HELLS: variants seen among roughly 807,000 people sequenced by gnomAD.
The protein encoded by HELLS is helicase, lymphoid specific, also known as lymphoid-specific helicase.
Under a neutral mutation model 120.0 loss-of-function variants are expected in HELLS, and 32 were observed. The observed-to-expected ratio is 0.27, with a 90% CI of 0.20 to 0.36. HELLS has a LOEUF of 0.36. HELLS is among the 10% of genes least tolerant of loss of function. The pLI is 1.00. For missense variants in HELLS, 650 were observed against 993.4 expected (o/e 0.65, Z 4.65); for synonymous variants, 341 against 323.4 (o/e 1.05, Z -0.58).
At chr10:94,576,234 C>T (rs112556933) in intron 9 of HELLS, among the ~76,000 whole-genome samples, 2 of 152,168 alleles carry the variant, frequency 1.3e-5, no homozygotes, top group Non-Finnish European at 2.9e-5. Flanking sequence ...CTATCTCACA[C>T]GCCTGAGTAG....
intron 2 of HELLS, among the ~76,000 whole-genome samples, chr10:94,547,236 G>T (rs1435697062): frequency 6.6e-6 from 1 of 152,138 alleles, no homozygotes; most frequent in African/African-American, 2.4e-5. Flanking sequence ...TGCCTAGTAC[G>T]TGGTTTTCTT....
At chr10:94,587,740 T>G (rs1331136307) in intron 12 of HELLS, among the ~76,000 whole-genome samples, 6 of 152,224 alleles carry the variant, frequency 3.9e-5, no homozygotes, top group African/African-American at 7.2e-5. Context: ...AGTTATACTC[T>G]TCTTTATATT....
chr10:94,582,284 A>T (rs983561593), intron 11 of HELLS, among the ~76,000 whole-genome samples: 1 of 151,722 alleles, frequency 6.6e-6, no homozygotes, highest in African/African-American at 2.4e-5. Context: ...TTATTGAAAG[A>T]CAAGAATTCC....
intron 6 of HELLS, among the ~76,000 whole-genome samples, chr10:94,567,222 AT>A (rs1218713166): frequency 1.3e-5 from 2 of 152,096 alleles, no homozygotes; most frequent in South Asian, 4.2e-4. Flanking sequence ...TCAATTATAG[AT>A]ACATTGTGTT....
intron 2 of HELLS, among the ~76,000 whole-genome samples, chr10:94,553,913 A>C (rs1452680714): frequency 6.6e-6 from 1 of 152,188 alleles, no homozygotes; most frequent in African/African-American, 2.4e-5. Context: ...CAATATTTGA[A>C]ATTATAATAT....
intron 9 of HELLS, among the ~76,000 whole-genome samples, chr10:94,575,771 TTGTGTGTGTGTG>T (rs71031588): frequency 0.089 from 10,920 of 122,340 alleles, 646 homozygotes; most frequent in East Asian, 0.32. Flanking sequence ...GGGGTTGTGT[TTGTGTGTGTGTG>T]TGTGTGTGTG....
intron 12 of HELLS, among the ~76,000 whole-genome samples, chr10:94,583,515 T>A (rs1589746685): frequency 6.6e-6 from 1 of 152,144 alleles, no homozygotes; most frequent in East Asian, 1.9e-4. Context: ...CAGTTGTGGT[T>A]TAGCAATTTT....
At chr10:94,599,304 C>T (rs1845912100) in intron 21 of HELLS, among the ~76,000 whole-genome samples, 1 of 152,120 alleles carries the variant, frequency 6.6e-6, no homozygotes, top group Admixed American at 6.6e-5. Context: ...ACTAGATGAT[C>T]ACCTAATTAG....
In HELLS at chr10:94,585,991, CTCT is replaced by C. The variant is rs573142596; in HGVS notation, c.1327-2232_1327-2230del. Among the ~76,000 whole-genome samples, 385 of 152,238 alleles carry C rather than the reference CTCT, an allele frequency of 2.5e-3. 1 individual carries two copies. The highest frequency in any genetic ancestry group is 2.9e-3 in the Non-Finnish European group (199 of 68,024). The stretch of plus-strand genomic sequence containing the variant: ...CATGTGTTTCAGCGGTATAGTGTGC[CTCT>C]TCTTCCACATATTTGCCATTTCAGT... On this transcript the variant is annotated intron_variant, in intron 12 of 21. Coordinates refer to ENST00000348459, the MANE Select transcript of HELLS (RefSeq NM_018063.5).
intron 6 of HELLS, chr10:94,570,621 G>T (rs1158214633): frequency 6.6e-6 from 1 of 151,490 alleles, no homozygotes; most frequent in Non-Finnish European, 1.5e-5. Context: ...ATGAAGCCTG[G>T]TGACAACTTT....
chr10:94,604,428 A>G (rs1346549764), downstream of HELLS, among the ~76,000 whole-genome samples: 1 of 152,030 alleles, frequency 6.6e-6, no homozygotes, highest in Non-Finnish European at 1.5e-5. Flanking sequence ...CCTACTTTCT[A>G]TAAAAGTCGT....
intron 12 of HELLS, chr10:94,584,209 T>C (rs954363156): frequency 6.5e-6 from 3 of 460,086 alleles, no homozygotes; most frequent in Non-Finnish European, 1.1e-5. Flanking sequence ...TGGTAGTTCC[T>C]TGTGGCCATA....
chr10:94,572,738 A>G (rs549099892), intron 7 of HELLS, among the ~76,000 whole-genome samples: 2 of 152,288 alleles, frequency 1.3e-5, no homozygotes, highest in South Asian at 4.1e-4. Flanking sequence ...TGTTCATAAG[A>G]AAGTACAGAT....
chr10:94,587,040 A>G (rs894492265), intron 12 of HELLS, among the ~76,000 whole-genome samples: 7 of 151,854 alleles, frequency 4.6e-5, no homozygotes, highest in Admixed American at 3.3e-4. Context: ...TCTTTTAGTG[A>G]CCCGAATATT....
At chr10:94,579,362 G>C (rs1398346513) in intron 10 of HELLS, among the ~76,000 whole-genome samples, 1 of 151,402 alleles carries the variant, frequency 6.6e-6, no homozygotes, top group Non-Finnish European at 1.5e-5. Flanking sequence ...AACCATGCCC[G>C]GCTAATTTTT....
chr10:94,593,071 G>A (rs889057771), intron 17 of HELLS, among the ~76,000 whole-genome samples: 2 of 152,072 alleles, frequency 1.3e-5, no homozygotes, highest in African/African-American at 2.4e-5. Context: ...AGCAAATAAT[G>A]TATACATTTG....
At chr10:94,554,931 T>C (rs1843176194) in intron 3 of HELLS, among the ~76,000 whole-genome samples, 1 of 152,072 alleles carries the variant, frequency 6.6e-6, no homozygotes, top group Non-Finnish European at 1.5e-5. Context: ...GGTGGATTGC[T>C]TGAGCCCAGA....
chr10:94,562,951 T>C lies in HELLS; in HGVS notation c.435+75T>C, dbSNP rs1354484264. The stretch of plus-strand genomic sequence containing the variant: ...TAGGTTTTAAACCACCTTAAATCTG[T>C]AAAGATTGAATATTCAATATCACAT... On this transcript the variant is annotated intron_variant, in intron 6 of 21. Coordinates refer to ENST00000348459, the MANE Select transcript of HELLS (RefSeq NM_018063.5). The C allele has an allele frequency of 4.7e-6, 4 of 843,688 alleles. No homozygotes were observed. The Admixed American group carries it at 9.8e-5, about 21-fold the overall frequency. 52.3% of individuals were successfully genotyped at this position (843,688 alleles called of 1,614,324 possible). A position where few individuals can be genotyped will look rare whatever the true frequency, so the allele number is the denominator to read the frequency against.
At chr10:94,562,533 CA>C (rs1226281876) in intron 4 of HELLS, among the ~76,000 whole-genome samples, 157 bp from the exon 5 acceptor site, 1 of 152,094 alleles carries the variant, frequency 6.6e-6, no homozygotes, top group East Asian at 1.9e-4. Flanking sequence ...TAGGGAAATA[CA>C]GAAAAATATT....
Sources: allele counts gnomAD v4.1 joint callset (sites outside exome capture counted in the v4.1 genomes callset), GRCh38; gene constraint gnomAD v4.1.1; transcripts MANE v1.5; gene names NCBI Gene and HGNC (gene_info 2026-07-23, HGNC 2026-07-21).